SORCS2: variants seen among roughly 807,000 people sequenced by gnomAD.
SORCS2 encodes the protein sortilin related VPS10 domain containing receptor 2.
SORCS2 carries 100 observed loss-of-function variants against 141.6 expected under a neutral mutation model. The ratio of observed to expected loss-of-function variants is 0.71; its 90% CI spans 0.60 to 0.83. The LOEUF is 0.83. Among genes scored for constraint, SORCS2 ranks in the 40% least tolerant of loss-of-function variants. The pLI is 0.00. For missense variants in SORCS2, 1,646 were observed against 1,560.2 expected, an observed-to-expected ratio of 1.05 and a Z score of -0.93; for synonymous variants, 789 against 676.9, an observed-to-expected ratio of 1.17 and a Z score of -2.57.
chr4:7,315,878 T>G (rs1392999199), intron 1 of SORCS2, among the ~76,000 whole-genome samples: 1 of 152,166 alleles, frequency 6.6e-6, no homozygotes, highest in Non-Finnish European at 1.5e-5. Context: ...GGGAGAAGCC[T>G]GGTACACATC....
intron 3 of SORCS2, among the ~76,000 whole-genome samples, chr4:7,619,095 A>AGCCTCTC (rs1718968547): frequency 6.6e-6 from 1 of 152,112 alleles, no homozygotes; most frequent in Non-Finnish European, 1.5e-5. Context: ...GTCTCTGGGC[A>AGCCTCTC]AGTTGGTGAG....
chr4:7,360,041 C>T (rs143216026), intron 1 of SORCS2, among the ~76,000 whole-genome samples: 1 of 152,334 alleles, frequency 6.6e-6, no homozygotes, highest in African/African-American at 2.4e-5. Context: ...AAAACAATTA[C>T]ATGCATTATT....
At chr4:7,262,513 C>T (rs1418415584) in intron 1 of SORCS2, among the ~76,000 whole-genome samples, 1 of 152,186 alleles carries the variant, frequency 6.6e-6, no homozygotes, top group Admixed American at 6.5e-5. Flanking sequence ...CCTCTCAGAG[C>T]TTCCAGTGTA....
At chr4:7,694,886 G>A (rs911823294) in intron 11 of SORCS2, among the ~76,000 whole-genome samples, 4 of 152,020 alleles carry the variant, frequency 2.6e-5, no homozygotes, top group Non-Finnish European at 4.4e-5. Flanking sequence ...GGACAGCCAC[G>A]TTCAGCTCTC....
intron 1 of SORCS2, among the ~76,000 whole-genome samples, chr4:7,352,053 A>G (rs1166885169): frequency 1.3e-5 from 2 of 151,952 alleles, no homozygotes; most frequent in African/African-American, 4.8e-5. Context: ...CACCCACCCA[A>G]TACTTGCTCT....
At chr4:7,558,154 C>T (rs1341174613) in intron 3 of SORCS2, among the ~76,000 whole-genome samples, 2 of 152,162 alleles carry the variant, frequency 1.3e-5, no homozygotes, top group African/African-American at 2.4e-5. Context: ...TTCAAGTGGC[C>T]AAGGTGTCCA....
At chr4:7,314,801 T>G (rs1469046304) in intron 1 of SORCS2, among the ~76,000 whole-genome samples, 5 of 16,036 alleles carry the variant, frequency 3.1e-4, no homozygotes, top group East Asian at 2.9e-3. Flanking sequence ...CACTGTTCTG[T>G]TTTTTTTTTT....
chr4:7,716,091 T>G (rs944371596), intron 17 of SORCS2, among the ~76,000 whole-genome samples: 1 of 152,126 alleles, frequency 6.6e-6, no homozygotes, highest in Non-Finnish European at 1.5e-5. Context: ...TGTAAAATGT[T>G]AGGTACATAA....
chr4:7,360,028 C>T (rs549288805), intron 1 of SORCS2, among the ~76,000 whole-genome samples: 2 of 152,286 alleles, frequency 1.3e-5, no homozygotes, highest in East Asian at 3.9e-4. Context: ...GCAGCCATGC[C>T]CTAAAACAAT....
chr4:7,581,445 G>A (rs1303885617), intron 3 of SORCS2, among the ~76,000 whole-genome samples: 1 of 152,060 alleles, frequency 6.6e-6, no homozygotes, highest in Non-Finnish European at 1.5e-5. Flanking sequence ...AAAGTCCATG[G>A]CCTTTTGATC....
intron 7 of SORCS2, among the ~76,000 whole-genome samples, chr4:7,665,175 C>G (rs1270100570): frequency 6.6e-6 from 1 of 152,196 alleles, no homozygotes; most frequent in Admixed American, 6.5e-5. Flanking sequence ...GGTGCCCTCT[C>G]CCCAGAAGGG....
chr4:7,541,373 G>A (rs922259116), intron 3 of SORCS2, among the ~76,000 whole-genome samples: 1 of 152,240 alleles, frequency 6.6e-6, no homozygotes, highest in Non-Finnish European at 1.5e-5. Flanking sequence ...TTTCCATTCT[G>A]CTGGTAATTT....
At chr4:7,432,497 CTT>C in intron 2 of SORCS2, 1 of 152,208 alleles carries the variant, frequency 6.6e-6, no homozygotes, top group East Asian at 1.9e-4. Flanking sequence ...TGTTCACCGT[CTT>C]TGCCCTCGCT....
intron 2 of SORCS2, among the ~76,000 whole-genome samples, chr4:7,484,475 C>T (rs114737235): frequency 0.011 from 1,723 of 152,190 alleles, 36 homozygotes; most frequent in African/African-American, 0.04. Context: ...GAACGCTGTC[C>T]AGGGAAGCCA....
At chr4:7,389,990 GGCCTGGGGTGGGGCT>G (rs1723752601) in intron 1 of SORCS2, among the ~76,000 whole-genome samples, 1 of 152,188 alleles carries the variant, frequency 6.6e-6, no homozygotes, top group Non-Finnish European at 1.5e-5. Flanking sequence ...AGCTTCTGCA[GGCCTGGGGTGGGGCT>G]GCCTGTGGGT....
chr4:7,618,124 G>A (rs1284659397), intron 3 of SORCS2, among the ~76,000 whole-genome samples: 3 of 151,976 alleles, frequency 2.0e-5, no homozygotes, highest in South Asian at 2.1e-4. Context: ...GATTCATCGC[G>A]TTGCCATCGG....
intron 25 of SORCS2, 63 bp downstream of exon 25, chr4:7,734,437 C>A: frequency 8.5e-7 from 1 of 1,173,452 alleles, no homozygotes; most frequent in Admixed American, 2.7e-5. Flanking sequence ...AAGCCAGGCC[C>A]AACTCACTCA....
At chr4:7,229,644 A>G (rs187226071) in intron 1 of SORCS2, among the ~76,000 whole-genome samples, 1 of 152,272 alleles carries the variant, frequency 6.6e-6, no homozygotes, top group African/African-American at 2.4e-5. Context: ...TCCGAGGCTG[A>G]AAAAGGGCCT....
chr4:7,725,780 G>A (rs75045499), intron 20 of SORCS2, among the ~76,000 whole-genome samples: 3 of 152,168 alleles, frequency 2.0e-5, no homozygotes, highest in African/African-American at 7.2e-5. Context: ...CTGGACTGGG[G>A]GCAAGACCCA....
Sources: gnomAD v4.1 joint callset for allele counts (sites outside exome capture counted in the v4.1 genomes callset) on GRCh38, gnomAD v4.1.1 for gene constraint, MANE v1.5 for transcripts, NCBI Gene and HGNC (gene_info 2026-07-23, HGNC 2026-07-21) for gene names.